Variants in PRKN observed in about 807,000 individuals in gnomAD.
PRKN encodes parkin RBR E3 ubiquitin protein ligase.
PRKN carries 56 observed loss-of-function variants against 59.5 expected under a neutral mutation model. That is an observed-to-expected ratio of 0.94 (90% CI 0.76 to 1.18). The LOEUF (loss-of-function observed/expected upper bound fraction) is 1.18. Among genes scored for constraint, PRKN ranks in the 50% most tolerant of loss-of-function variants. The pLI, the probability that PRKN is intolerant of heterozygous loss-of-function variation, is 0.00. For synonymous variants in PRKN, 250 were observed against 222.1 expected (o/e 1.13, Z -1.12); for missense variants, 657 against 596.4 (o/e 1.10, Z -1.06).
At chr6:162,437,100 T>A (rs9456778) in intron 2 of PRKN, among the ~76,000 whole-genome samples, 3,998 of 130,144 alleles carry the variant, frequency 0.031, 150 homozygotes, top group African/African-American at 0.1. Flanking sequence ...TCAAAAAAAA[T>A]AAATAAATAA....
rs1317873288 is a variant in PRKN, at chr6:161,588,256, T to C, written c.872-18840A>G. 6.6e-6 allele frequency among the ~76,000 whole-genome samples: 1 copy of C among 152,064 alleles called. No individual in the cohort carries two copies. Among genetic ancestry groups the C allele is most frequent in the Admixed American group, 6.5e-5 (1 of 15,278 alleles). On this transcript the variant is annotated intron_variant, in intron 7 of 11. Coordinates refer to ENST00000366898, the MANE Select transcript of PRKN (RefSeq NM_004562.3). This position sits in a 1 kb window ranked among gnomAD's most constrained non-coding sequence, Gnocchi z 5.0. ...AAAATCAGCCAGGCGTGGTGGCTCA[T>C]GCCTATAATCCCAGCTACCTGGGAG...
chr6:162,139,581 A>G (rs970592747), intron 4 of PRKN, among the ~76,000 whole-genome samples: 3 of 152,164 alleles, frequency 2.0e-5, no homozygotes, highest in Non-Finnish European at 4.4e-5. Context: ...CATCACAGTC[A>G]TCTCCATGTA....
At chr6:161,801,280 G>A (rs1791066856) in intron 6 of PRKN, among the ~76,000 whole-genome samples, 1 of 152,224 alleles carries the variant, frequency 6.6e-6, no homozygotes, top group African/African-American at 2.4e-5. Context: ...CAGCAGGGCT[G>A]GAAACTGAGT....
At chr6:161,664,816 T>A (rs1784668579) in intron 7 of PRKN, among the ~76,000 whole-genome samples, 1 of 145,416 alleles carries the variant, frequency 6.9e-6, no homozygotes, top group Admixed American at 6.9e-5. Flanking sequence ...TGAGACAGAG[T>A]CTTGCTCTGT....
At chr6:161,799,795 G>C (rs547253059) in intron 6 of PRKN, among the ~76,000 whole-genome samples, 4 of 152,346 alleles carry the variant, frequency 2.6e-5, no homozygotes, top group South Asian at 4.1e-4. Context: ...GGAAGGCCTG[G>C]GGATGGGACA....
At chr6:162,141,386 C>G (rs1020689603) in intron 4 of PRKN, among the ~76,000 whole-genome samples, 2 of 152,070 alleles carry the variant, frequency 1.3e-5, no homozygotes, top group Admixed American at 1.3e-4. Context: ...CTTTATTTTT[C>G]AATGGGTTTT....
chr6:162,666,511 G>C (rs552310257), intron 1 of PRKN, among the ~76,000 whole-genome samples: 3 of 152,158 alleles, frequency 2.0e-5, no homozygotes, highest in Admixed American at 6.5e-5. Flanking sequence ...CTAGGAGAGC[G>C]AAATGTCCTG....
In PRKN at chr6:161,941,743, C is replaced by T. The variant is rs139263988; in HGVS notation, c.734+31559G>A. On this transcript the variant is annotated intron_variant, in intron 6 of 11. Transcript: ENST00000366898. ...TGTCTGTATGCTCCCCTAGAGCAGC[C>T]GGGCACTAAAGAAGTGAGCCACGCC... Among the ~76,000 whole-genome samples, 922 of 152,212 alleles carry T rather than the reference C, an allele frequency of 6.1e-3. 4 individuals carry two copies. The highest frequency in any genetic ancestry group is 0.014 in the Admixed American group (219 of 15,288).
chr6:161,962,769 T>G (rs1780431439), intron 6 of PRKN, among the ~76,000 whole-genome samples: 1 of 151,850 alleles, frequency 6.6e-6, no homozygotes, highest in Non-Finnish European at 1.5e-5. Flanking sequence ...ACTCCTGACC[T>G]CGTGATCCAC....
At chr6:162,518,039 G>C (rs1163890596) in intron 1 of PRKN, among the ~76,000 whole-genome samples, 1 of 152,070 alleles carries the variant, frequency 6.6e-6, no homozygotes, top group South Asian at 2.1e-4. Flanking sequence ...AAAAATGTGT[G>C]GTAGTTGTTT....
rs567633188 is a variant in PRKN, at chr6:161,502,609, G to A, written c.1083+46245C>T. Among the ~76,000 whole-genome samples the A allele has an allele frequency of 6.6e-6, 1 of 152,270 alleles. No individual in the cohort carries two copies. Among genetic ancestry groups the A allele is most frequent in the South Asian group, 2.1e-4 (1 of 4,826 alleles). ...GGATAGTAAGAGTATCCTGAAGGAG[G>A]GGACCAGTAACAAGCAGGGAAGAGA... On this transcript the variant is annotated intron_variant, in intron 9 of 11. Transcript: ENST00000366898. This position sits in a 1 kb window ranked among gnomAD's most constrained non-coding sequence, Gnocchi z 4.0.
At chr6:162,290,890 A>C (rs1781399692) in intron 2 of PRKN, among the ~76,000 whole-genome samples, 1 of 152,232 alleles carries the variant, frequency 6.6e-6, no homozygotes, top group Non-Finnish European at 1.5e-5. Context: ...AACTCTAAAA[A>C]TGAACATAAT....
chr6:161,478,584 C>T (rs1184201304), intron 9 of PRKN, among the ~76,000 whole-genome samples: 1 of 152,330 alleles, frequency 6.6e-6, no homozygotes, highest in Middle Eastern at 3.4e-3. Flanking sequence ...GTGGCTCACA[C>T]CTGTAATCCC....
At chr6:162,535,862 C>G (rs1015853350) in intron 1 of PRKN, among the ~76,000 whole-genome samples, 1 of 150,748 alleles carries the variant, frequency 6.6e-6, no homozygotes, top group Admixed American at 6.6e-5. Flanking sequence ...GAACCAAGAT[C>G]GCACCACTGC....
intron 1 of PRKN, among the ~76,000 whole-genome samples, chr6:162,705,401 A>G (rs1312675619): frequency 2.0e-5 from 3 of 152,186 alleles, no homozygotes; most frequent in East Asian, 1.9e-4. Flanking sequence ...TACTCTTTCC[A>G]TCAATATGCC....
intron 7 of PRKN, among the ~76,000 whole-genome samples, chr6:161,596,142 T>C (rs742769): frequency 0.71 from 107,255 of 151,896 alleles, 39,270 homozygotes; most frequent in African/African-American, 0.91. Flanking sequence ...GGTTGAGGAC[T>C]CATTTTTGTG....
intron 9 of PRKN, among the ~76,000 whole-genome samples, chr6:161,489,253 T>C (rs1777456290): frequency 6.7e-6 from 1 of 150,322 alleles, no homozygotes; most frequent in Admixed American, 6.6e-5. Flanking sequence ...ACATGGGCAA[T>C]ATAATCATAA....
chr6:162,512,858 T>G (rs12528066), intron 1 of PRKN, among the ~76,000 whole-genome samples: 2 of 151,948 alleles, frequency 1.3e-5, no homozygotes, highest in African/African-American at 4.8e-5. Context: ...TGAGAAAACA[T>G]TGCAATTATT....
At chr6:161,749,109 C>T (rs9355359) in intron 7 of PRKN, among the ~76,000 whole-genome samples, 89,522 of 151,860 alleles carry the variant, frequency 0.59, 28,427 homozygotes, top group African/African-American at 0.85. Flanking sequence ...GGCCGGGAGG[C>T]GGGCAAGCAG....
Sources: gnomAD v4.1 joint callset for allele counts (sites outside exome capture counted in the v4.1 genomes callset) on GRCh38, gnomAD v4.1.1 for gene constraint, Gnocchi (gnomAD v3.1) non-coding constraint, MANE v1.5 for transcripts, NCBI Gene and HGNC (gene_info 2026-07-23, HGNC 2026-07-21) for gene names.